TBCD: variants seen among roughly 807,000 people sequenced by gnomAD.
The protein encoded by TBCD is tubulin-specific chaperone D.
TBCD carries 105 observed loss-of-function variants against 169.3 expected under a neutral mutation model. That is an observed-to-expected ratio of 0.62 (90% CI 0.53 to 0.73). The LOEUF (loss-of-function observed/expected upper bound fraction) is 0.73. Ranked by LOEUF, TBCD falls within the 30% of genes least tolerant of loss-of-function variation. TBCD has a pLI of 0.00. For missense variants in TBCD, 1,444 were observed against 1,600.1 expected (o/e 0.90, Z 1.66); for synonymous variants, 700 against 643.9 (o/e 1.09, Z -1.32).
chr17:82,936,678 TGG>T (rs1394792867), intron 34 of TBCD, among the ~76,000 whole-genome samples: 1 of 152,158 alleles, frequency 6.6e-6, no homozygotes, highest in Non-Finnish European at 1.5e-5. Flanking sequence ...CCTGGCCTGT[TGG>T]GTGGCTGGAG....
chr17:82,762,802 T>C (rs1186525742), intron 2 of TBCD, among the ~76,000 whole-genome samples: 2 of 151,986 alleles, frequency 1.3e-5, no homozygotes, highest in African/African-American at 2.4e-5. Context: ...GCCATGAAGA[T>C]TGTACTGTTG....
intron 12 of TBCD, among the ~76,000 whole-genome samples, chr17:82,811,090 T>C (rs2144863618): frequency 6.6e-6 from 1 of 152,342 alleles, no homozygotes; most frequent in African/African-American, 2.4e-5. Flanking sequence ...TGCTACGTGC[T>C]TGGCTTCTCT....
In TBCD at chr17:82,830,607, G is replaced by A. The variant is rs748024772; in HGVS notation, c.1318+15673G>A. 8 of 1,613,972 alleles carry A rather than the reference G, an allele frequency of 5.0e-6. No homozygotes were observed. In the South Asian group the frequency reaches 5.5e-5, roughly 11 times the overall value. Reference sequence around the variant, plus strand: ...CAGGTTCTGCAGCTCGTGGTCGACCGGGGAAGGCAGGCCTCGGAGCCTGGG... The same window carrying A: ...CAGGTTCTGCAGCTCGTGGTCGACCAGGGAAGGCAGGCCTCGGAGCCTGGG... On this transcript the variant is annotated intron_variant, in intron 13 of 38. Coordinates refer to ENST00000355528, the MANE Select transcript of TBCD (RefSeq NM_005993.5).
chr17:82,871,899 G>A (rs2057593223), intron 14 of TBCD, among the ~76,000 whole-genome samples: 1 of 152,078 alleles, frequency 6.6e-6, no homozygotes, highest in Non-Finnish European at 1.5e-5. Flanking sequence ...GCCACTGCCT[G>A]TGTCCGACAA....
chr17:82,931,466 C>T (rs2062196976), intron 33 of TBCD, among the ~76,000 whole-genome samples: 2 of 152,358 alleles, frequency 1.3e-5, no homozygotes, highest in South Asian at 4.1e-4. Flanking sequence ...TCACTTGAGG[C>T]GCTGGGCCGC....
At chr17:82,758,104 T>A (rs536905299) in intron 2 of TBCD, among the ~76,000 whole-genome samples, 6 of 152,166 alleles carry the variant, frequency 3.9e-5, no homozygotes, top group African/African-American at 1.4e-4. Flanking sequence ...AAAAACTGTT[T>A]TTCGCCGGGT....
At chr17:82,801,653 TGC>T (rs2050549204) in intron 9 of TBCD, among the ~76,000 whole-genome samples, 1 of 87,746 alleles carries the variant, frequency 1.1e-5, no homozygotes, top group East Asian at 3.8e-4. Flanking sequence ...GGGCGGCGTG[TGC>T]GTTGTGTGGG....
intron 14 of TBCD, chr17:82,876,966 T>C (rs1008464874): frequency 2.0e-6 from 2 of 985,340 alleles, no homozygotes; most frequent in African/African-American, 3.5e-5. Context: ...ACAGTAACCT[T>C]AGAGGGTTAG....
chr17:82,785,845 G>T (rs905736139), intron 7 of TBCD, among the ~76,000 whole-genome samples: 5 of 148,162 alleles, frequency 3.4e-5, no homozygotes, highest in Admixed American at 6.7e-5. Flanking sequence ...CCGACCCATC[G>T]CAGCGGGAGG....
At chr17:82,778,014 C>T (rs1033531702) in intron 6 of TBCD, among the ~76,000 whole-genome samples, 1 of 152,216 alleles carries the variant, frequency 6.6e-6, no homozygotes, top group Non-Finnish European at 1.5e-5. Flanking sequence ...ACAGAAGGCT[C>T]GCACTCTTGT....
intron 14 of TBCD, among the ~76,000 whole-genome samples, chr17:82,872,208 G>A (rs910004177): frequency 7.9e-5 from 12 of 152,356 alleles, no homozygotes; most frequent in Middle Eastern, 6.8e-3. Context: ...CTGTGAACAC[G>A]CACGTCCCTC....
Position 82,899,113 on chromosome 17 carries a change from C to T in TBCD, c.1650-1538C>T, listed in dbSNP as rs118104175. ...TAGTGCGCCTGGGGACCGTCCGCAGCGCGTGTGTCCTCAGTGCATGTGTCC... is the reference window on the plus strand; with the variant it reads ...TAGTGCGCCTGGGGACCGTCCGCAGTGCGTGTGTCCTCAGTGCATGTGTCC... On this transcript the variant is annotated intron_variant, in intron 17 of 38. Coordinates refer to ENST00000355528, the MANE Select transcript of TBCD (RefSeq NM_005993.5). Among the ~76,000 whole-genome samples the T allele has an allele frequency of 8.7e-4, 133 of 152,342 alleles. 2 individuals are homozygous for T. In the East Asian group the frequency reaches 0.023, roughly 27 times the overall value.
At chr17:82,767,949 A>G (rs1183932948) in intron 4 of TBCD, among the ~76,000 whole-genome samples, 3 of 150,774 alleles carry the variant, frequency 2.0e-5, no homozygotes, top group African/African-American at 7.3e-5. Flanking sequence ...GCGAGACTCC[A>G]TCTCAAAAAA....
chr17:82,795,707 C>A, intron 7 of TBCD: 1 of 700,730 alleles, frequency 1.4e-6, no homozygotes, highest in Non-Finnish European at 1.8e-6. Context: ...ATTCTGTGGC[C>A]TCGCAGGGTG....
chr17:82,810,063 G>T (rs952644897), intron 12 of TBCD, among the ~76,000 whole-genome samples: 1 of 152,232 alleles, frequency 6.6e-6, no homozygotes, highest in African/African-American at 2.4e-5. Context: ...TACTGAGTGA[G>T]TTGGGGCTGC....
chr17:82,890,062 C>T lies in TBCD; in HGVS notation c.1563+365C>T, dbSNP rs983868544. On this transcript the variant is annotated intron_variant, in intron 16 of 38. Transcript: ENST00000355528. This position sits in a 1 kb window ranked among gnomAD's most constrained non-coding sequence, Gnocchi z 5.3. ...CAGGAGCTGGCTCTGTTGACGTCAG[C>T]TTGTGCCTCATCCAGACCATAGACG... Among the ~76,000 whole-genome samples the T allele has an allele frequency of 6.6e-6, 1 of 152,226 alleles. No homozygotes were observed. The highest frequency in any genetic ancestry group is 1.5e-5 in the Non-Finnish European group (1 of 68,042).
intron 13 of TBCD, chr17:82,838,607 C>A (rs1180317917): frequency 1.0e-6 from 1 of 979,942 alleles, no homozygotes; most frequent in Non-Finnish European, 1.2e-6. Context: ...ACTGTGATGT[C>A]GCAAGAACGA....
At position 82,898,711 on chromosome 17, in the gene TBCD, T is replaced by C. The variant is rs550488198; in HGVS notation, c.1650-1940T>C. On this transcript the variant is annotated intron_variant, in intron 17 of 38. Transcript: ENST00000355528. ...AGACTTTGTTCGGCATATGTGTTGG[T>C]AGGGATCGATTTCTTCTGTGGCTCT... 2.0e-5 allele frequency among the ~76,000 whole-genome samples: 3 copies of C among 152,344 alleles called. No individual in the cohort carries two copies. In the East Asian group the frequency reaches 5.8e-4, roughly 29 times the overall value.
intron 34 of TBCD, among the ~76,000 whole-genome samples, chr17:82,933,450 C>T (rs1405338695): frequency 6.6e-6 from 1 of 151,832 alleles, no homozygotes; most frequent in Non-Finnish European, 1.5e-5. Flanking sequence ...GACAGGATTT[C>T]ACTATGTTTC....
Sources: allele counts gnomAD v4.1 joint callset (sites outside exome capture counted in the v4.1 genomes callset), GRCh38; gene constraint gnomAD v4.1.1; non-coding constraint Gnocchi (gnomAD v3.1); transcripts MANE v1.5; gene names NCBI Gene and HGNC (gene_info 2026-07-23, HGNC 2026-07-21).